The following ASPA variants were observed in gnomAD, a reference collection of about 807,000 sequenced individuals.
ASPA encodes the protein ACY-2.
A neutral mutation model predicts 29.6 loss-of-function variants in ASPA; 25 were observed. The observed-to-expected ratio is 0.85, with a 90% CI of 0.62 to 1.18. The LOEUF is 1.18. ASPA is among the 50% of genes most tolerant of loss of function. ASPA has a pLI of 0.00. For missense variants in ASPA, 333 were observed against 385.7 expected, an observed-to-expected ratio of 0.86 and a Z score of 1.14; for synonymous variants, 131 against 130.3, an observed-to-expected ratio of 1.01 and a Z score of -0.04.
At chr17:3,479,119 A>T (rs1373008874) in intron 1 of ASPA, among the ~76,000 whole-genome samples, 1 of 152,216 alleles carries the variant, frequency 6.6e-6, no homozygotes, top group Non-Finnish European at 1.5e-5. Context: ...AAAATTCTTT[A>T]AAAATGTATC....
rs938205381 is a variant in ASPA at position 3,503,258 on chromosome 17, T to C, written c.*4170T>C. 1 of 152,198 alleles carries C rather than the reference T, an allele frequency of 6.6e-6. No homozygotes were observed. Among genetic ancestry groups the C allele is most frequent in the African/African-American group, 2.4e-5 (1 of 41,416 alleles). 9.4% of individuals were successfully genotyped at this position (152,198 alleles called of 1,614,324 possible). On this transcript the variant is annotated 3_prime_UTR_variant, in exon 6 of 6. Coordinates refer to ENST00000263080, the MANE Select transcript of ASPA (RefSeq NM_000049.4). ...ATATTATATATTTATACATTTTCAT[T>C]CTTCCAAAGTGAACCCCACTATGCC...
chr17:3,488,718 A>C lies in ASPA; in HGVS notation c.527-517A>C, dbSNP rs2073770479. ...TGTGTTAGGATGGATTGCTAGGTTAAGGGCAAAATCATTGCTCAAGGGTCA... is the reference window on the plus strand; with the variant it reads ...TGTGTTAGGATGGATTGCTAGGTTACGGGCAAAATCATTGCTCAAGGGTCA... On this transcript the variant is annotated intron_variant, in intron 3 of 5. Coordinates refer to ENST00000263080, the MANE Select transcript of ASPA (RefSeq NM_000049.4). The surrounding 1 kb of genome is among the most constrained non-coding windows in gnomAD (Gnocchi z 6.1). 6.6e-6 allele frequency among the ~76,000 whole-genome samples: 1 copy of C among 152,212 alleles called. No homozygotes were observed. Among genetic ancestry groups the C allele is most frequent in the South Asian group, 2.1e-4 (1 of 4,830 alleles).
At position 3,476,228 on chromosome 17, in the gene ASPA, T is replaced by C; in HGVS notation, c.69T>C (p.Asn23=). Residue 23 remains asparagine, a synonymous_variant, in exon 1 of 6, where the codon AAT becomes AAC. Transcript: ENST00000263080. Reference sequence around the variant, plus strand: ...CTATCTTTGGAGGAACCCATGGGAATGAGCTAACCGGAGTATTTCTGGTTA... The same window carrying C: ...CTATCTTTGGAGGAACCCATGGGAACGAGCTAACCGGAGTATTTCTGGTTA... ...KVAIFGGTHG[N]ELTGVFLVKH... is the part of the protein sequence containing the mutation. 1 of 1,614,170 alleles carries C rather than the reference T, an allele frequency of 6.2e-7. No homozygotes were observed.
intron 1 of ASPA, among the ~76,000 whole-genome samples, chr17:3,478,173 A>T (rs1293729027): frequency 6.6e-6 from 1 of 151,662 alleles, no homozygotes; most frequent in Admixed American, 6.6e-5. Flanking sequence ...TGACAGAGCG[A>T]GACTCCGTCT....
intron 1 of ASPA, 41 bp downstream of exon 1, chr17:3,476,436 T>C: frequency 6.3e-7 from 1 of 1,580,148 alleles, no homozygotes; most frequent in Non-Finnish European, 8.7e-7. Flanking sequence ...GTATGTTGTG[T>C]GAAAAGTGGT....
rs1429377914 is a variant in ASPA, at chr17:3,499,492, G to C, written c.*404G>C. 6.4e-6 allele frequency: 1 copy of C among 155,414 alleles called. No homozygotes were observed. Among genetic ancestry groups the C allele is most frequent in the African/African-American group, 2.4e-5 (1 of 41,458 alleles). The allele number at this position is 155,414 out of a possible 1,614,324, so 9.6% of individuals were successfully genotyped here. The stretch of plus-strand genomic sequence containing the variant: ...CAAATTGAAGGTTTTTGGCAACCCT[G>C]TGTCTAGAAAGTCTAACAGTGCCAT... On this transcript the variant is annotated 3_prime_UTR_variant, in exon 6 of 6. Transcript: ENST00000263080.
Position 3,502,668 on chromosome 17 carries a change from C to CT in ASPA, c.*3581dup, listed in dbSNP as rs1174796388. On this transcript the variant is annotated 3_prime_UTR_variant, in exon 6 of 6. Transcript: ENST00000263080. Reference sequence around the variant, plus strand: ...ACAAACAGTAACCCACACAGCATTGCTACTGTGGCATGCCCACTGCTCTGC... The same window carrying CT: ...ACAAACAGTAACCCACACAGCATTGCTTACTGTGGCATGCCCACTGCTCTGC... 6.6e-6 allele frequency: 1 copy of CT among 152,236 alleles called. No homozygotes were observed. The highest frequency in any genetic ancestry group is 1.5e-5 in the Non-Finnish European group (1 of 68,046). 9.4% of individuals were successfully genotyped at this position (152,236 alleles called of 1,614,324 possible).
At position 3,485,487 on chromosome 17, in the gene ASPA, G is replaced by A. The variant is rs755167386; in HGVS notation, c.526+1895G>A. On this transcript the variant is annotated intron_variant, in intron 3 of 5. Coordinates refer to ENST00000263080, the MANE Select transcript of ASPA (RefSeq NM_000049.4). The surrounding 1 kb of genome is among the most constrained non-coding windows in gnomAD (Gnocchi z 4.4). ...GAGATCATGCCATTGCACTCCAGCC[G>A]GGGCAACAAAAGTGAAACTCCGTCT... Among the ~76,000 whole-genome samples, 5 of 152,102 alleles carry A rather than the reference G, an allele frequency of 3.3e-5. No individual in the cohort carries two copies. The highest frequency in any genetic ancestry group is 7.4e-5 in the Non-Finnish European group (5 of 68,022).
intron 4 of ASPA, 29 bp downstream of exon 4, chr17:3,489,371 A>C: frequency 6.6e-7 from 1 of 1,516,994 alleles, no homozygotes; most frequent in Non-Finnish European, 9.2e-7. Context: ...AACGTTATCA[A>C]ACTTAACCAC....
In ASPA at chr17:3,499,209, T is replaced by G; in HGVS notation, c.*121T>G. Reference sequence around the variant, plus strand: ...CATAGCTCCTAGCACAGTGCCTTATTCGGTAGGCATCTAAGCACATTTCTT... The same window carrying G: ...CATAGCTCCTAGCACAGTGCCTTATGCGGTAGGCATCTAAGCACATTTCTT... On this transcript the variant is annotated 3_prime_UTR_variant, in exon 6 of 6. Transcript: ENST00000263080. The G allele has an allele frequency of 1.1e-6, 1 of 938,722 alleles. No homozygotes were observed. The highest frequency in any genetic ancestry group is 1.6e-6 in the Non-Finnish European group (1 of 638,402). 58.1% of individuals were successfully genotyped at this position (938,722 alleles called of 1,614,324 possible). A position where few individuals can be genotyped will look rare whatever the true frequency, so the allele number is the denominator to read the frequency against.
In ASPA at chr17:3,502,287, T is replaced by C. The variant is rs1240004717; in HGVS notation, c.*3199T>C. 2 of 152,256 alleles carry C rather than the reference T, an allele frequency of 1.3e-5. No homozygotes were observed. Among genetic ancestry groups the C allele is most frequent in the Non-Finnish European group, 2.9e-5 (2 of 68,044 alleles). The allele number at this position is 152,256 out of a possible 1,614,324, so 9.4% of individuals were successfully genotyped here. On this transcript the variant is annotated 3_prime_UTR_variant, in exon 6 of 6. Coordinates refer to ENST00000263080, the MANE Select transcript of ASPA (RefSeq NM_000049.4). The stretch of plus-strand genomic sequence containing the variant: ...TATTACACATTTAACATACTACATA[T>C]AGTGTGAGCATAACTTTTACACGTA...
At chr17:3,498,730 G>A (rs1355189425) in intron 5 of ASPA, among the ~76,000 whole-genome samples, 161 bp from the exon 6 acceptor site, 4 of 152,178 alleles carry the variant, frequency 2.6e-5, no homozygotes, top group Non-Finnish European at 5.9e-5. Context: ...ACGACCCAAT[G>A]TCAGCGCAGT....
At position 3,490,146 on chromosome 17, in the gene ASPA, C is replaced by T. The variant is rs2150754398; in HGVS notation, c.634+804C>T. 6.6e-6 allele frequency among the ~76,000 whole-genome samples: 1 copy of T among 152,202 alleles called. No individual in the cohort carries two copies. Among genetic ancestry groups the T allele is most frequent in the South Asian group, 2.1e-4 (1 of 4,822 alleles). The stretch of plus-strand genomic sequence containing the variant: ...AGGGAAAGTCCTAGAAGAAAACACA[C>T]CAAACTGATAACAATAGTTACCGGG... On this transcript the variant is annotated intron_variant, in intron 4 of 5. Coordinates refer to ENST00000263080, the MANE Select transcript of ASPA (RefSeq NM_000049.4). This position sits in a 1 kb window ranked among gnomAD's most constrained non-coding sequence, Gnocchi z 4.6.
chr17:3,501,469 A>C lies in ASPA; in HGVS notation c.*2381A>C, dbSNP rs941464261. 2.0e-5 allele frequency: 3 copies of C among 152,452 alleles called. No homozygotes were observed. Among genetic ancestry groups the C allele is most frequent in the African/African-American group, 7.2e-5 (3 of 41,466 alleles). The allele number at this position is 152,452 out of a possible 1,614,324, so 9.4% of individuals were successfully genotyped here. ...CCTGAAGATGTAACTGAACTGCTGC[A>C]ATCTCATGATCACACTTGAATGGAT... On this transcript the variant is annotated 3_prime_UTR_variant, in exon 6 of 6. Coordinates refer to ENST00000263080, the MANE Select transcript of ASPA (RefSeq NM_000049.4).
upstream of ASPA, among the ~76,000 whole-genome samples, chr17:3,474,814 C>A (rs2073497658): frequency 6.6e-6 from 1 of 152,202 alleles, no homozygotes; most frequent in African/African-American, 2.4e-5. Flanking sequence ...AAAACTAGAA[C>A]TGTGAAGAAG....
intron 2 of ASPA, 99 bp downstream of exon 2, chr17:3,481,897 G>A: frequency 2.5e-6 from 3 of 1,185,596 alleles, no homozygotes; most frequent in Non-Finnish European, 3.6e-6. Context: ...GAGGGAAGGT[G>A]CAAGAGAAAT....
intron 5 of ASPA, among the ~76,000 whole-genome samples, chr17:3,495,385 CTGAT>C (rs2073892540): frequency 6.6e-6 from 1 of 152,158 alleles, no homozygotes; most frequent in Non-Finnish European, 1.5e-5. Context: ...TTGAAAAACA[CTGAT>C]TGATCCAGTT....
rs1567613231 is a variant in ASPA at position 3,485,933 on chromosome 17, CCT to C, written c.526+2342_526+2343del. Among the ~76,000 whole-genome samples the C allele has an allele frequency of 1.0e-5, 1 of 96,282 alleles. No individual in the cohort carries two copies. Among genetic ancestry groups the C allele is most frequent in the Admixed American group, 1.2e-4 (1 of 8,662 alleles). 63.2% of individuals were successfully genotyped at this position (96,282 alleles called of 152,430 possible). On this transcript the variant is annotated intron_variant, in intron 3 of 5. Transcript: ENST00000263080. This position sits in a 1 kb window ranked among gnomAD's most constrained non-coding sequence, Gnocchi z 4.4. Reference sequence around the variant, plus strand: ...CCAGTGGTTGCATTCTAGGAGGGAACCTTTTTTTTTTTTTTTGAGACGGAGTT... The same window carrying C: ...CCAGTGGTTGCATTCTAGGAGGGAACTTTTTTTTTTTTTTGAGACGGAGTT...
chr17:3,483,721 G>A lies in ASPA; in HGVS notation c.526+129G>A, dbSNP rs117157214. 39,075 of 868,730 alleles carry A rather than the reference G, an allele frequency of 0.045. 1,459 individuals are homozygous for A. Among genetic ancestry groups the A allele is most frequent in the Admixed American group, 0.15 (7,377 of 49,520 alleles). The allele number at this position is 868,730 out of a possible 1,614,324, so 53.8% of individuals were successfully genotyped here. On this transcript the variant is annotated intron_variant, in intron 3 of 5. Transcript: ENST00000263080. ...TCTGTCACCCAGGCTGGAGTCCGAT[G>A]GTGTGATCTCAGCTCACTGCAACCT...
Sources: gnomAD v4.1 joint callset for allele counts (sites outside exome capture counted in the v4.1 genomes callset) on GRCh38, gnomAD v4.1.1 for gene constraint, Gnocchi (gnomAD v3.1) non-coding constraint, MANE v1.5 for transcripts, NCBI Gene and HGNC (gene_info 2026-07-23, HGNC 2026-07-21) for gene names.